USP48: variants seen among roughly 807,000 people sequenced by gnomAD.
The protein encoded by USP48 is ubiquitin specific peptidase 48.
Under a neutral mutation model 150.7 loss-of-function variants are expected in USP48, and 43 were observed. That is an observed-to-expected ratio of 0.29 (90% CI 0.22 to 0.37). The LOEUF (loss-of-function observed/expected upper bound fraction) is 0.37. Ranked by LOEUF, USP48 falls within the 10% of genes least tolerant of loss-of-function variation. The pLI is 1.00. For synonymous variants in USP48, 396 were observed against 425.9 expected (o/e 0.93, Z 0.86); for missense variants, 813 against 1,249.6 (o/e 0.65, Z 5.27).
rs1201119527 is a variant in USP48 at position 21,729,808 on chromosome 1, C to T, written c.1196G>A (p.Arg399His). The stretch of plus-strand genomic sequence containing the variant: ...AGTTCCTTTGCCACACTTGGGTTTA[C>T]GTGTCTGAGACTTAGAAGGTTCTGC... ...DLAEPSKSQTRKPKCGKGTHC... is the reference protein window; with the variant it reads ...DLAEPSKSQTHKPKCGKGTHC... Residue 399 changes from arginine (R) to histidine (H), a missense_variant, in exon 10 of 27, where the codon CGT (arginine) becomes CAT (histidine). Arg to His is a conservative substitution (Grantham distance 29, BLOSUM62 0). Coordinates refer to ENST00000308271, the MANE Select transcript of USP48 (RefSeq NM_032236.8). 2.5e-6 allele frequency: 4 copies of T among 1,614,038 alleles called. No homozygotes were observed. Among genetic ancestry groups the T allele is most frequent in the Non-Finnish European group, 3.4e-6 (4 of 1,179,966 alleles).
rs1323325275 is a variant in USP48, at chr1:21,721,633, T to C, written c.1763+17A>G. The C allele has an allele frequency of 1.4e-6, 2 of 1,473,150 alleles. No homozygotes were observed. The highest frequency in any genetic ancestry group is 1.9e-6 in the Non-Finnish European group (2 of 1,075,928). 91.3% of individuals were successfully genotyped at this position (1,473,150 alleles called of 1,614,324 possible). On this transcript the variant is annotated intron_variant, in intron 13 of 26. Coordinates refer to ENST00000308271, the MANE Select transcript of USP48 (RefSeq NM_032236.8). ...ACTTCTTAGTTTATCATTAACAATGTACACTGTGCAACATACCCCTTTACT... is the reference window on the plus strand; with the variant it reads ...ACTTCTTAGTTTATCATTAACAATGCACACTGTGCAACATACCCCTTTACT...
chr1:21,752,120 G>A (rs779712655), intron 5 of USP48, among the ~76,000 whole-genome samples: 12 of 152,120 alleles, frequency 7.9e-5, no homozygotes, highest in Non-Finnish European at 1.3e-4. Context: ...TACAAGTGCA[G>A]TTTTGTTACA....
chr1:21,712,418 A>C (rs563414629), intron 15 of USP48, among the ~76,000 whole-genome samples: 2 of 122,646 alleles, frequency 1.6e-5, no homozygotes, highest in South Asian at 2.8e-4. Context: ...GGAAAACTAC[A>C]GGCAAATGGT....
At chr1:21,698,498 A>G (rs1471320081) in intron 22 of USP48, among the ~76,000 whole-genome samples, 1 of 152,134 alleles carries the variant, frequency 6.6e-6, no homozygotes, top group Non-Finnish European at 1.5e-5. Flanking sequence ...TAGACCACCA[A>G]AAAAAAGTTA....
chr1:21,721,139 G>C lies in USP48; in HGVS notation c.1791C>G (p.Ser597=). The C allele has an allele frequency of 6.2e-7, 1 of 1,614,236 alleles. No individual in the cohort carries two copies. The highest frequency in any genetic ancestry group is 8.5e-7 in the Non-Finnish European group (1 of 1,180,032). The change falls in exon 14 of 27, where the codon TCC becomes TCG. Residue 597 remains serine, a synonymous_variant. Coordinates refer to ENST00000308271, the MANE Select transcript of USP48 (RefSeq NM_032236.8). The part of the protein sequence containing the change: ...KGSDGFWVGK[S]SLRSWRQLAL... Reference sequence around the variant, plus strand: ...CTAGCTGGCGCCAACTCCGCAAGGAGGACTTCCCCACCCAAAATCCATCGC... The same window carrying C: ...CTAGCTGGCGCCAACTCCGCAAGGACGACTTCCCCACCCAAAATCCATCGC...
At position 21,682,989 on chromosome 1, in the gene USP48, A is replaced by G. The variant is rs144173945; in HGVS notation, c.3059-2155T>C. On this transcript the variant is annotated intron_variant, in intron 25 of 26. Transcript: ENST00000308271. Reference sequence around the variant, plus strand: ...AAAAAATACAAACAAGGCCAGGTGCAATAGCTCACATCTGTAATCCAAACA... The same window carrying G: ...AAAAAATACAAACAAGGCCAGGTGCGATAGCTCACATCTGTAATCCAAACA... 2.6e-5 allele frequency among the ~76,000 whole-genome samples: 4 copies of G among 152,334 alleles called. No individual in the cohort carries two copies. In the East Asian group the frequency reaches 7.7e-4, roughly 29 times the overall value.
Position 21,689,313 on chromosome 1 carries a change from GAA to G in USP48, c.3009+659_3009+660del, listed in dbSNP as rs36100530. 7.5e-5 allele frequency among the ~76,000 whole-genome samples: 6 copies of G among 80,038 alleles called. No individual in the cohort carries two copies. In the East Asian group the frequency reaches 2.7e-3, roughly 36 times the overall value. 52.5% of individuals were successfully genotyped at this position (80,038 alleles called of 152,430 possible). A position where few individuals can be genotyped will look rare whatever the true frequency, so the allele number is the denominator to read the frequency against. ...ACAGATCCATCTAGTCCAAAAAAAG[GAA>G]AAAAAAAAAAGCGGGGGGCGGGGGG... is the stretch of plus-strand genomic sequence containing the variant. On this transcript the variant is annotated intron_variant, in intron 24 of 26. Coordinates refer to ENST00000308271, the MANE Select transcript of USP48 (RefSeq NM_032236.8).
chr1:21,756,526 C>T lies in USP48; in HGVS notation c.412+20G>A. ...AAAAATGTTCAGGAAGAGAGCTCTC[C>T]CCCACCCCTTTCCACCCACCTTTTT... On this transcript the variant is annotated intron_variant, in intron 3 of 26. Coordinates refer to ENST00000308271, the MANE Select transcript of USP48 (RefSeq NM_032236.8). 1 of 1,571,268 alleles carries T rather than the reference C, an allele frequency of 6.4e-7. No individual in the cohort carries two copies. The highest frequency in any genetic ancestry group is 8.6e-7 in the Non-Finnish European group (1 of 1,166,970).
intron 14 of USP48, 127 bp downstream of exon 14, chr1:21,720,909 C>T: frequency 7.9e-7 from 1 of 1,260,796 alleles, no homozygotes; most frequent in Non-Finnish European, 1.1e-6. Flanking sequence ...AACCGCTGGG[C>T]TCAAGTGATC....
intron 23 of USP48, among the ~76,000 whole-genome samples, chr1:21,694,608 C>CAAAAAAAA (rs1491189889): frequency 3.5e-5 from 1 of 28,982 alleles, no homozygotes; most frequent in East Asian, 1.4e-3. Context: ...AAAAAAAAAA[C>CAAAAAAAA]CCCCTCTATC....
At chr1:21,725,588 C>T (rs1328856184) in intron 11 of USP48, among the ~76,000 whole-genome samples, 1 of 151,928 alleles carries the variant, frequency 6.6e-6, no homozygotes, top group Non-Finnish European at 1.5e-5. Flanking sequence ...CCCGTCTGTA[C>T]TAAAAATACA....
In USP48 at chr1:21,735,742, G is replaced by A. The variant is rs371539125; in HGVS notation, c.1171+704C>T. On this transcript the variant is annotated intron_variant, in intron 9 of 26. Coordinates refer to ENST00000308271, the MANE Select transcript of USP48 (RefSeq NM_032236.8). ...TGTCTCTACTAAAAATACAAAATCAGCCAGCCGTGGTGACACATGCCTGTA... is the reference window on the plus strand; with the variant it reads ...TGTCTCTACTAAAAATACAAAATCAACCAGCCGTGGTGACACATGCCTGTA... 1.5e-4 allele frequency among the ~76,000 whole-genome samples: 23 copies of A among 152,284 alleles called. No individual in the cohort carries two copies. In the East Asian group the frequency reaches 4.4e-3, roughly 29 times the overall value.
chr1:21,715,204 C>A, intron 15 of USP48, 185 bp downstream of exon 15: 1 of 505,526 alleles, frequency 2.0e-6, no homozygotes, highest in Non-Finnish European at 3.6e-6. Flanking sequence ...AATTCAAAAG[C>A]ACTTCAATGG....
intron 13 of USP48, 79 bp from the exon 14 acceptor site, chr1:21,721,245 C>A: frequency 1.3e-6 from 2 of 1,550,326 alleles, no homozygotes; most frequent in Non-Finnish European, 1.7e-6. Flanking sequence ...GTAAAAACAA[C>A]TAAAGTGAAT....
At chr1:21,718,807 C>T (rs547769332) in intron 14 of USP48, among the ~76,000 whole-genome samples, 103 of 151,974 alleles carry the variant, frequency 6.8e-4, no homozygotes, top group African/African-American at 2.1e-3. Context: ...CTGCCCACCT[C>T]GGCCTCCCAA....
At position 21,706,161 on chromosome 1, in the gene USP48, A is replaced by G; in HGVS notation, c.2238T>C (p.Ser746=). ...TCCGCCACTCTTCTACAAAGAACTG[A>G]GACACGATGTAGAGGACATCCGTAT... ...PEDTDVLYIV[S]QFFVEEWRKF... Residue 746 remains serine (S), a synonymous_variant, in exon 18 of 27, where the codon TCT becomes TCC. Coordinates refer to ENST00000308271, the MANE Select transcript of USP48 (RefSeq NM_032236.8). The G allele has an allele frequency of 6.2e-7, 1 of 1,613,960 alleles. No homozygotes were observed. The highest frequency in any genetic ancestry group is 8.5e-7 in the Non-Finnish European group (1 of 1,179,934).
At chr1:21,690,821 A>G (rs1472179096) in intron 23 of USP48, among the ~76,000 whole-genome samples, 3 of 152,162 alleles carry the variant, frequency 2.0e-5, no homozygotes, top group Non-Finnish European at 4.4e-5. Flanking sequence ...GAGCCACTGC[A>G]TCTGGCCCAA....
Position 21,758,755 on chromosome 1 carries a change from A to AAATGAATG in USP48, c.135-980_135-973dup, listed in dbSNP as rs71569846. ...ACAGAGCAAGACTCTGTCTTGGAAA[A>AAATGAATG]AATGAATGAATGAATGAATGAATGA... On this transcript the variant is annotated intron_variant, in intron 1 of 26. Transcript: ENST00000308271. Among the ~76,000 whole-genome samples, 10 of 149,996 alleles carry AAATGAATG rather than the reference A, an allele frequency of 6.7e-5. No individual in the cohort carries two copies. The East Asian group carries it at 9.9e-4, about 15-fold the overall frequency.
intron 13 of USP48, 134 bp from the exon 14 acceptor site, chr1:21,721,300 C>T: frequency 7.9e-7 from 1 of 1,264,904 alleles, no homozygotes; most frequent in Non-Finnish European, 1.1e-6. Flanking sequence ...TTGATTTTAA[C>T]CCACTTCCTA....
Sources: gnomAD v4.1 joint callset for allele counts (sites outside exome capture counted in the v4.1 genomes callset) on GRCh38, gnomAD v4.1.1 for gene constraint, MANE v1.5 for transcripts, NCBI Gene and HGNC (gene_info 2026-07-23, HGNC 2026-07-21) for gene names.